The following TMEM63C variants were observed in gnomAD, a reference collection of about 807,000 sequenced individuals.
TMEM63C encodes transmembrane protein 63C.
Under a neutral mutation model 99.2 loss-of-function variants are expected in TMEM63C, and 32 were observed. The observed-to-expected ratio is 0.32, with a 90% CI of 0.24 to 0.43. The LOEUF (loss-of-function observed/expected upper bound fraction) is 0.43, where lower values mean the gene tolerates loss of function less well. Ranked by LOEUF, TMEM63C falls within the 20% of genes least tolerant of loss-of-function variation. The pLI is 1.00. For missense variants in TMEM63C, 826 were observed against 1,053.0 expected, an observed-to-expected ratio of 0.78 and a Z score of 2.98; for synonymous variants, 376 against 397.9, an observed-to-expected ratio of 0.94 and a Z score of 0.66.
intron 6 of TMEM63C, among the ~76,000 whole-genome samples, chr14:77,230,082 G>C (rs1888908989): frequency 6.6e-6 from 1 of 151,886 alleles, no homozygotes; most frequent in Non-Finnish European, 1.5e-5. Context: ...CACACCTATA[G>C]TCCCAGCTGC....
chr14:77,195,108 A>C (rs1888193969), intron 1 of TMEM63C, among the ~76,000 whole-genome samples: 1 of 152,108 alleles, frequency 6.6e-6, no homozygotes, highest in African/African-American at 2.4e-5. Context: ...AACAAACAAG[A>C]ATATTTAAGA....
chr14:77,237,477 G>A (rs1229897359), intron 9 of TMEM63C, among the ~76,000 whole-genome samples: 1 of 152,236 alleles, frequency 6.6e-6, no homozygotes, highest in Non-Finnish European at 1.5e-5. Flanking sequence ...AAAAAAGGGA[G>A]CATGGAGGGG....
At chr14:77,186,779 G>A (rs1308662526) in intron 1 of TMEM63C, among the ~76,000 whole-genome samples, 1 of 99,592 alleles carries the variant, frequency 1.0e-5, no homozygotes, top group African/African-American at 4.1e-5. Flanking sequence ...CCAAAGGGGT[G>A]TGTGTGTGTG....
chr14:77,242,874 A>G lies in TMEM63C; in HGVS notation c.1188-29A>G, dbSNP rs76656538. 431 of 1,613,694 alleles carry G rather than the reference A, an allele frequency of 2.7e-4. 2 individuals carry two copies. In the African/African-American group the frequency reaches 5.3e-3, roughly 20 times the overall value. On this transcript the variant is annotated intron_variant, in intron 14 of 23. Coordinates refer to ENST00000298351, the MANE Select transcript of TMEM63C (RefSeq NM_020431.4). ...GGGCTCTAAGAACTGATGTCTCTAAATGTGCCTCCTTCTTCCATCCTTCCC... is the reference window on the plus strand; with the variant it reads ...GGGCTCTAAGAACTGATGTCTCTAAGTGTGCCTCCTTCTTCCATCCTTCCC...
chr14:77,236,535 G>A, intron 8 of TMEM63C, 89 bp from the exon 9 acceptor site: 2 of 918,724 alleles, frequency 2.2e-6, no homozygotes, highest in Non-Finnish European at 3.5e-6. Flanking sequence ...CCAGGAGACT[G>A]AGGGTAGGAG....
intron 1 of TMEM63C, among the ~76,000 whole-genome samples, chr14:77,195,394 A>G (rs1304037918): frequency 6.6e-6 from 1 of 152,122 alleles, no homozygotes; most frequent in Non-Finnish European, 1.5e-5. Context: ...CTTTATGTGG[A>G]TTATAAAATC....
intron 1 of TMEM63C, among the ~76,000 whole-genome samples, chr14:77,198,407 G>T (rs1235497994): frequency 1.3e-5 from 2 of 152,234 alleles, no homozygotes; most frequent in Non-Finnish European, 2.9e-5. Context: ...TCCTTATCTG[G>T]TGGAGAGACC....
intron 5 of TMEM63C, among the ~76,000 whole-genome samples, chr14:77,224,832 ATT>A (rs556951532): frequency 6.7e-6 from 1 of 149,368 alleles, no homozygotes; most frequent in African/African-American, 2.5e-5. Flanking sequence ...CCCTTAAGGG[ATT>A]TTTTTTTTTA....
intron 1 of TMEM63C, among the ~76,000 whole-genome samples, chr14:77,213,052 C>A (rs1314046777): frequency 2.6e-5 from 4 of 152,176 alleles, no homozygotes; most frequent in Admixed American, 2.0e-4. Context: ...AATGAATGAA[C>A]CAATAGTGGT....
chr14:77,210,140 C>G (rs1198979987), intron 1 of TMEM63C, among the ~76,000 whole-genome samples: 1 of 152,144 alleles, frequency 6.6e-6, no homozygotes, highest in Non-Finnish European at 1.5e-5. Flanking sequence ...TGCAAATAAC[C>G]CTGGAAATCT....
intron 1 of TMEM63C, among the ~76,000 whole-genome samples, chr14:77,197,132 TCTAA>T (rs1363024241): frequency 2.0e-5 from 3 of 152,366 alleles, no homozygotes; most frequent in East Asian, 1.9e-4. Flanking sequence ...CAGAGGAAGC[TCTAA>T]CTGTGTTAAG....
intron 4 of TMEM63C, 38 bp from the exon 5 acceptor site, chr14:77,219,968 C>G: frequency 6.5e-7 from 1 of 1,545,784 alleles, no homozygotes; most frequent in South Asian, 1.2e-5. Flanking sequence ...GAACTTTTCT[C>G]TCCTTTCTTA....
chr14:77,251,185 G>A (rs192676118), intron 21 of TMEM63C, among the ~76,000 whole-genome samples: 4 of 152,284 alleles, frequency 2.6e-5, no homozygotes, highest in Non-Finnish European at 5.9e-5. Flanking sequence ...TCAGTTCTCC[G>A]TGATTGGATA....
chr14:77,252,305 T>C (rs747592947), intron 22 of TMEM63C, among the ~76,000 whole-genome samples: 8 of 152,162 alleles, frequency 5.3e-5, no homozygotes, highest in Non-Finnish European at 1.2e-4. Flanking sequence ...GGGGGGATTG[T>C]CATTTTCTCT....
intron 2 of TMEM63C, among the ~76,000 whole-genome samples, chr14:77,215,367 G>A (rs1888561039): frequency 6.6e-6 from 1 of 151,996 alleles, no homozygotes; most frequent in South Asian, 2.1e-4. Context: ...TTGGGAGGCC[G>A]AGGTGGGTGG....
intron 21 of TMEM63C, among the ~76,000 whole-genome samples, chr14:77,250,597 G>A (rs1889344753): frequency 6.6e-6 from 1 of 151,720 alleles, no homozygotes; most frequent in Non-Finnish European, 1.5e-5. Flanking sequence ...GTGCCACCAC[G>A]CCCCGCTAAT....
In TMEM63C at chr14:77,194,334, ATATG is replaced by A. The variant is rs1438040638; in HGVS notation, c.-77+12442_-77+12445del. Among the ~76,000 whole-genome samples the A allele has an allele frequency of 1.4e-3, 98 of 72,042 alleles. 1 individual carries two copies. The highest frequency in any genetic ancestry group is 3.1e-3 in the African/African-American group (94 of 30,182). The allele number at this position is 72,042 out of a possible 152,430, so 47.3% of individuals were successfully genotyped here. On this transcript the variant is annotated intron_variant, in intron 1 of 23. Transcript: ENST00000298351. ...TAAAGATGCAGGCATAGATATATAT[ATATG>A]TGTGTGTGTGTGTGTGTGTGTGTGT...
intron 1 of TMEM63C, among the ~76,000 whole-genome samples, chr14:77,188,864 G>A (rs1274852852): frequency 6.9e-6 from 1 of 144,040 alleles, no homozygotes; most frequent in Admixed American, 6.9e-5. Context: ...GAAAAAAAAA[G>A]ACAGACCTCA....
At chr14:77,213,150 T>G (rs1290538576) in intron 1 of TMEM63C, among the ~76,000 whole-genome samples, 1 of 152,164 alleles carries the variant, frequency 6.6e-6, no homozygotes, top group Non-Finnish European at 1.5e-5. Flanking sequence ...CCAACACGGG[T>G]GCCTCTGCCC....
Sources: gnomAD v4.1 joint callset for allele counts (sites outside exome capture counted in the v4.1 genomes callset) on GRCh38, gnomAD v4.1.1 for gene constraint, MANE v1.5 for transcripts, NCBI Gene and HGNC (gene_info 2026-07-23, HGNC 2026-07-21) for gene names.